The following ANKRD27 variants were observed in gnomAD, a reference collection of about 807,000 sequenced individuals.
ANKRD27 encodes ankyrin repeat domain 27.
In ANKRD27, 112 loss-of-function variants were observed where a neutral mutation model predicts 129.7. The observed-to-expected ratio is 0.86, with a 90% CI of 0.74 to 1.01. ANKRD27 has a LOEUF of 1.01. Ranked by LOEUF, ANKRD27 falls within the 50% of genes least tolerant of loss-of-function variation. The probability of loss-of-function intolerance (pLI) is 0.00; values close to 1 mark genes in which losing one functional copy is unlikely to be tolerated. For synonymous variants in ANKRD27, 516 were observed against 511.2 expected, an observed-to-expected ratio of 1.01 and a Z score of -0.13; for missense variants, 1,258 against 1,300.5, an observed-to-expected ratio of 0.97 and a Z score of 0.50.
chr19:32,632,074 A>C (rs188537065), intron 12 of ANKRD27, among the ~76,000 whole-genome samples: 1 of 152,256 alleles, frequency 6.6e-6, no homozygotes, highest in East Asian at 1.9e-4. Context: ...GGATCACCTG[A>C]GGTCAGGAGT....
rs370840639 is a variant in ANKRD27 at position 32,663,913 on chromosome 19, G to A, written c.-30-4868C>T. ...CTACTAAAAATACAAAAAATTAGCC[G>A]GGCGTAGTGGCGGGCGCCTGTAGTC... On this transcript the variant is annotated intron_variant, in intron 1 of 28. Transcript: ENST00000306065. Among the ~76,000 whole-genome samples the A allele has an allele frequency of 3.5e-3, 522 of 151,062 alleles. 12 individuals carry two copies. The South Asian group carries it at 0.06, about 17-fold the overall frequency.
At chr19:32,613,809 C>T (rs923936789) in intron 22 of ANKRD27, among the ~76,000 whole-genome samples, 4 of 151,098 alleles carry the variant, frequency 2.6e-5, no homozygotes, top group Admixed American at 1.3e-4. Flanking sequence ...CCCGGGTTCA[C>T]GCCATTCTCC....
chr19:32,606,077 A>G, intron 23 of ANKRD27, 123 bp from the exon 24 acceptor site: 1 of 890,040 alleles, frequency 1.1e-6, no homozygotes, highest in Non-Finnish European at 1.5e-6. Flanking sequence ...CTGGAGAGAA[A>G]TGCTCAAGTT....
At chr19:32,654,125 C>A (rs1967475014) in intron 2 of ANKRD27, among the ~76,000 whole-genome samples, 1 of 152,168 alleles carries the variant, frequency 6.6e-6, no homozygotes. Flanking sequence ...TGGTCTCAAA[C>A]TCCTGACCTA....
chr19:32,616,322 G>A (rs1971918415), intron 21 of ANKRD27, among the ~76,000 whole-genome samples: 1 of 152,174 alleles, frequency 6.6e-6, no homozygotes, highest in Admixed American at 6.5e-5. Flanking sequence ...GGAGGCCTAA[G>A]CAGGCAGATC....
chr19:32,639,385 G>A lies in ANKRD27; in HGVS notation c.1087C>T (p.Arg363Trp), dbSNP rs754968391. The change falls in exon 12 of 29, where the codon CGG becomes TGG. Residue 363 changes from arginine (R) to tryptophan (W), a missense_variant. By Grantham distance (101) the Arg-to-Trp change is moderately radical (BLOSUM62 -3). Coordinates refer to ENST00000306065, the MANE Select transcript of ANKRD27 (RefSeq NM_032139.3). Reference sequence around the variant, plus strand: ...GGTTTAGCAGAGAGGCTTCCTTGCCGAATATATTCAATGGCAGCTTCGAAT... The same window carrying A: ...GGTTTAGCAGAGAGGCTTCCTTGCCAAATATATTCAATGGCAGCTTCGAAT... Reference protein sequence around the residue: ...TSFEAAIEYIRQGSLSAKPPE... With the variant: ...TSFEAAIEYIWQGSLSAKPPE... 7.4e-6 allele frequency: 12 copies of A among 1,614,090 alleles called. No homozygotes were observed. The highest frequency in any genetic ancestry group is 6.7e-5 in the Admixed American group (4 of 59,994).
chr19:32,631,483 T>C lies in ANKRD27; in HGVS notation c.1128A>G (p.Gly376=). 1.2e-6 allele frequency: 2 copies of C among 1,613,920 alleles called. No homozygotes were observed. The highest frequency in any genetic ancestry group is 1.7e-6 in the Non-Finnish European group (2 of 1,179,948). Residue 376 remains glycine, a synonymous_variant, in exon 13 of 29, where the codon GGA becomes GGG. Transcript: ENST00000306065. ...GCTTAAGGAACAGCCTGTCTCCAAA[T>C]CCCTCAGACTCCTGCAGGGAAAAAA... The part of the protein sequence containing the change: ...SLSAKPPESE[G]FGDRLFLKQR...
intron 4 of ANKRD27, among the ~76,000 whole-genome samples, chr19:32,645,440 T>A (rs1461506953): frequency 6.6e-6 from 1 of 151,180 alleles, no homozygotes; most frequent in Non-Finnish European, 1.5e-5. Context: ...TAATAATAAT[T>A]TATTTTATTG....
chr19:32,607,615 C>T lies in ANKRD27; in HGVS notation c.2373+20G>A. The T allele has an allele frequency of 1.2e-6, 2 of 1,608,788 alleles. No homozygotes were observed. Among genetic ancestry groups the T allele is most frequent in the Non-Finnish European group, 1.7e-6 (2 of 1,178,626 alleles). ...CAAAGCAGACACCCTGCTCCACCACCCCCAACACACAGCCCGAACCTGAAA... is the reference window on the plus strand; with the variant it reads ...CAAAGCAGACACCCTGCTCCACCACTCCCAACACACAGCCCGAACCTGAAA... On this transcript the variant is annotated intron_variant, in intron 23 of 28. Coordinates refer to ENST00000306065, the MANE Select transcript of ANKRD27 (RefSeq NM_032139.3).
chr19:32,605,887 A>T lies in ANKRD27; in HGVS notation c.2441T>A (p.Leu814His). 6.2e-7 allele frequency: 1 copy of T among 1,614,088 alleles called. No individual in the cohort carries two copies. The highest frequency in any genetic ancestry group is 1.1e-5 in the South Asian group (1 of 91,080). Residue 814 changes from leucine (L) to histidine (H), a missense_variant, in exon 24 of 29, where the codon CTC becomes CAC. Physicochemically the swap from Leu to His is moderately conservative, Grantham distance 99. Coordinates refer to ENST00000306065, the MANE Select transcript of ANKRD27 (RefSeq NM_032139.3). ...NKKDLSGNTP[L>H]IYACSGGHHE... Reference sequence around the variant, plus strand: ...ATGGCCACCGGAGCAGGCGTAAATGAGGGGCGTGTTTCCACTGAGGTCCTT... The same window carrying T: ...ATGGCCACCGGAGCAGGCGTAAATGTGGGGCGTGTTTCCACTGAGGTCCTT...
intron 12 of ANKRD27, among the ~76,000 whole-genome samples, chr19:32,635,568 G>A (rs1270091765): frequency 6.6e-6 from 1 of 152,058 alleles, no homozygotes; most frequent in African/African-American, 2.4e-5. Flanking sequence ...GCCTCCCAGA[G>A]TGCTGGGATT....
chr19:32,599,325 G>T (rs1202147232), intron 28 of ANKRD27, among the ~76,000 whole-genome samples: 2 of 137,354 alleles, frequency 1.5e-5, no homozygotes, highest in East Asian at 4.2e-4. Flanking sequence ...GCCACATAAA[G>T]AATTGTCTGA....
At chr19:32,629,565 T>C (rs1966952809) in intron 13 of ANKRD27, among the ~76,000 whole-genome samples, 1 of 152,078 alleles carries the variant, frequency 6.6e-6, no homozygotes, top group Non-Finnish European at 1.5e-5. Flanking sequence ...CCGGATGTGG[T>C]GGCAGACGCC....
At position 32,668,729 on chromosome 19, in the gene ANKRD27, C is replaced by T. The variant is rs886994448; in HGVS notation, c.-31+6342G>A. ...GACTCCAGGGTGCTGAGATTACAGG[C>T]GTGAGCCACCGTGCCCAGCTAATTT... On this transcript the variant is annotated intron_variant, in intron 1 of 28. Coordinates refer to ENST00000306065, the MANE Select transcript of ANKRD27 (RefSeq NM_032139.3). Among the ~76,000 whole-genome samples the T allele has an allele frequency of 2.6e-5, 4 of 152,034 alleles. No individual in the cohort carries two copies. In the South Asian group the frequency reaches 6.2e-4, roughly 24 times the overall value.
chr19:32,601,830 A>C (rs925926353), intron 26 of ANKRD27, among the ~76,000 whole-genome samples, 185 bp downstream of exon 26: 1 of 152,156 alleles, frequency 6.6e-6, no homozygotes, highest in Non-Finnish European at 1.5e-5. Context: ...GAAAACTAGT[A>C]ACAAAAAAAG....
chr19:32,627,591 T>C (rs1362515776), intron 15 of ANKRD27, among the ~76,000 whole-genome samples: 1 of 151,822 alleles, frequency 6.6e-6, no homozygotes, highest in East Asian at 1.9e-4. Context: ...AGAGACAGAG[T>C]TTCTCCATGT....
At position 32,600,027 on chromosome 19, in the gene ANKRD27, G is replaced by A; in HGVS notation, c.2791C>T (p.Pro931Ser). The A allele has an allele frequency of 1.2e-6, 2 of 1,612,860 alleles. No homozygotes were observed. The highest frequency in any genetic ancestry group is 1.7e-6 in the Non-Finnish European group (2 of 1,179,058). ...AACTGTCTTGTAAAAGGCTCATCTG[G>A]TAGATCATACAGTTTTGAGTTCCCT... ...KKWNSKLYDL[P>S]DEPFTRQFYF... Residue 931 changes from proline to serine, a missense_variant, in exon 27 of 29, where the codon CCA becomes TCA. By Grantham distance (74) the Pro-to-Ser change is moderately conservative. Coordinates refer to ENST00000306065, the MANE Select transcript of ANKRD27 (RefSeq NM_032139.3).
At chr19:32,645,477 A>T (rs1261099093) in intron 4 of ANKRD27, among the ~76,000 whole-genome samples, 1 of 152,012 alleles carries the variant, frequency 6.6e-6, no homozygotes, top group Non-Finnish European at 1.5e-5. Context: ...CTTGTTCTGT[A>T]GCCCATGCTA....
intron 12 of ANKRD27, chr19:32,639,120 T>C (rs1157195295): frequency 3.7e-6 from 2 of 536,102 alleles, no homozygotes; most frequent in Non-Finnish European, 6.6e-6. Context: ...TGGGGACTAA[T>C]GAAGTAGGAT....
Sources: allele counts gnomAD v4.1 joint callset (sites outside exome capture counted in the v4.1 genomes callset), GRCh38; gene constraint gnomAD v4.1.1; transcripts MANE v1.5; gene names NCBI Gene and HGNC (gene_info 2026-07-23, HGNC 2026-07-21).